DYM: variants seen among roughly 807,000 people sequenced by gnomAD.
The protein encoded by DYM is dymeclin.
A neutral mutation model predicts 93.1 loss-of-function variants in DYM; 78 were observed. The ratio of observed to expected loss-of-function variants is 0.84; its 90% CI spans 0.70 to 1.01. The LOEUF (loss-of-function observed/expected upper bound fraction) is 1.01. DYM is among the 50% of genes least tolerant of loss of function. The pLI, the probability that DYM is intolerant of heterozygous loss-of-function variation, is 0.00. For missense variants in DYM, 789 were observed against 845.0 expected (o/e 0.93, Z 0.82); for synonymous variants, 321 against 319.7 (o/e 1.00, Z -0.04).
chr18:49,258,279 T>G, intron 12 of DYM, 101 bp downstream of exon 12: 6 of 785,654 alleles, frequency 7.6e-6, no homozygotes, highest in Non-Finnish European at 1.3e-5. Context: ...TTCTACCATA[T>G]GTCACGAGAA....
At chr18:49,222,904 G>C (rs2093415420) in intron 13 of DYM, among the ~76,000 whole-genome samples, 1 of 152,134 alleles carries the variant, frequency 6.6e-6, no homozygotes, top group Non-Finnish European at 1.5e-5. Flanking sequence ...AAAGTCACAT[G>C]AAAGAATGAT....
At chr18:49,348,973 C>T (rs1235037664) in intron 6 of DYM, among the ~76,000 whole-genome samples, 2 of 150,500 alleles carry the variant, frequency 1.3e-5, no homozygotes, top group Non-Finnish European at 2.9e-5. Context: ...TTTGGGAGGC[C>T]GAAGTGGGCA....
In DYM at chr18:49,067,221, G is replaced by T. The variant is rs560660292; in HGVS notation, c.2026-23017C>A. On this transcript the variant is annotated intron_variant, in intron 17 of 17. Transcript: ENST00000675505. ...GTGGGGTGATGTGAGCACTATGCAG[G>T]TTCAGTAGAGGAAGGAGTGGGGTGA... is the stretch of plus-strand genomic sequence containing the variant. Among the ~76,000 whole-genome samples the T allele has an allele frequency of 2.4e-5, 3 of 122,832 alleles. 1 individual carries two copies. In the East Asian group the frequency reaches 8.6e-4, roughly 35 times the overall value. 80.6% of individuals were successfully genotyped at this position (122,832 alleles called of 152,430 possible). A position where few individuals can be genotyped will look rare whatever the true frequency, so the allele number is the denominator to read the frequency against.
At chr18:49,357,834 T>C (rs1202521905) in intron 6 of DYM, among the ~76,000 whole-genome samples, 3 of 152,084 alleles carry the variant, frequency 2.0e-5, no homozygotes, top group Non-Finnish European at 4.4e-5. Flanking sequence ...ACAGGTAATA[T>C]GAAGAGTAGT....
At chr18:49,348,057 C>T (rs1443812063) in intron 6 of DYM, among the ~76,000 whole-genome samples, 3 of 152,212 alleles carry the variant, frequency 2.0e-5, no homozygotes. Flanking sequence ...CATGACCCTG[C>T]ACTGCACTGC....
chr18:49,197,354 T>C (rs974128820), intron 14 of DYM, among the ~76,000 whole-genome samples: 3 of 151,424 alleles, frequency 2.0e-5, no homozygotes, highest in African/African-American at 7.3e-5. Flanking sequence ...ATAAAAAAAA[T>C]GGCAAAAGGG....
rs1216551325 is a variant in DYM at position 49,286,616 on chromosome 18, G to C, written c.764C>G (p.Thr255Arg). ...TAGTGTGAAGACAGTCCAGAGTCCT[G>C]CTGGGGAGGAAAACACCCTGTTAGG... is the stretch of plus-strand genomic sequence containing the variant. ...LLYGLASGVATGLWTVFTLGG... is the reference protein window; with the variant it reads ...LLYGLASGVARGLWTVFTLGG... Residue 255 changes from threonine to arginine, a missense_variant and splice_region_variant, in exon 9 of 18, where the codon ACA becomes AGA. Coordinates refer to ENST00000675505, the MANE Select transcript of DYM (RefSeq NM_001353214.3). 4 of 1,613,552 alleles carry C rather than the reference G, an allele frequency of 2.5e-6. No homozygotes were observed. The highest frequency in any genetic ancestry group is 3.4e-6 in the Non-Finnish European group (4 of 1,179,898).
intron 3 of DYM, among the ~76,000 whole-genome samples, chr18:49,380,020 T>C (rs572741819): frequency 9.2e-5 from 14 of 152,094 alleles, no homozygotes; most frequent in African/African-American, 3.4e-4. Flanking sequence ...TCCAAAATCA[T>C]AAAGGAAAAA....
intron 1 of DYM, among the ~76,000 whole-genome samples, chr18:49,434,629 T>G (rs1222379191): frequency 6.6e-6 from 1 of 152,080 alleles, no homozygotes; most frequent in Non-Finnish European, 1.5e-5. Context: ...TCATATTAGT[T>G]GACTTTTCAA....
intron 13 of DYM, among the ~76,000 whole-genome samples, chr18:49,214,298 G>C (rs981584366): frequency 3.3e-5 from 5 of 152,320 alleles, no homozygotes; most frequent in Non-Finnish European, 7.3e-5. Context: ...TGTCAGATCA[G>C]TGGTGGCATT....
intron 8 of DYM, among the ~76,000 whole-genome samples, chr18:49,294,289 G>C (rs1291917313): frequency 6.6e-6 from 1 of 152,096 alleles, no homozygotes; most frequent in African/African-American, 2.4e-5. Context: ...GGATTGTCTT[G>C]GCTATACAGG....
intron 15 of DYM, among the ~76,000 whole-genome samples, chr18:49,156,726 C>T (rs1480188030): frequency 1.6e-5 from 2 of 128,690 alleles, no homozygotes; most frequent in Non-Finnish European, 3.2e-5. Flanking sequence ...AGTGAAAACG[C>T]TGTCTCAAAA....
intron 16 of DYM, among the ~76,000 whole-genome samples, chr18:49,098,886 C>T: frequency 6.6e-6 from 1 of 152,176 alleles, no homozygotes. Context: ...GATTAAAATC[C>T]TATTTTTAAA....
At chr18:49,167,260 T>C (rs2088025065) in intron 14 of DYM, among the ~76,000 whole-genome samples, 1 of 152,056 alleles carries the variant, frequency 6.6e-6, no homozygotes, top group Non-Finnish European at 1.5e-5. Flanking sequence ...AACAAGGAAG[T>C]GAGCTTCAAT....
chr18:49,358,154 AAAATAAATAAAT>A (rs751093300), intron 6 of DYM, among the ~76,000 whole-genome samples: 1 of 152,184 alleles, frequency 6.6e-6, no homozygotes, highest in African/African-American at 2.4e-5. Flanking sequence ...CCATCTCAAA[AAAATAAATAAAT>A]AAGTAAATAA....
chr18:49,049,884 G>A (rs993310363), intron 17 of DYM: 1 of 154,068 alleles, frequency 6.5e-6, no homozygotes, highest in African/African-American at 2.4e-5. Context: ...CCAGACACAA[G>A]TGCTGACAAA....
intron 1 of DYM, chr18:49,447,495 A>G (rs1287426558): frequency 1.3e-5 from 2 of 152,276 alleles, no homozygotes; most frequent in African/African-American, 2.4e-5. Context: ...GGTAAGGGGA[A>G]GAGCGAACTC....
intron 8 of DYM, among the ~76,000 whole-genome samples, chr18:49,320,683 G>A (rs1205026193): frequency 1.3e-5 from 2 of 152,074 alleles, no homozygotes; most frequent in African/African-American, 2.4e-5. Flanking sequence ...ATGTTGGCCA[G>A]GCTGGTCTCG....
chr18:49,316,535 C>T (rs959643425), intron 8 of DYM, among the ~76,000 whole-genome samples: 52 of 152,122 alleles, frequency 3.4e-4, no homozygotes, highest in Admixed American at 3.2e-3. Context: ...ACATAAGATG[C>T]AATTTAAATA....
Sources: allele counts gnomAD v4.1 joint callset (sites outside exome capture counted in the v4.1 genomes callset), GRCh38; gene constraint gnomAD v4.1.1; transcripts MANE v1.5; gene names NCBI Gene and HGNC (gene_info 2026-07-23, HGNC 2026-07-21).